Variants in SETD1A observed in about 807,000 individuals in gnomAD.
The protein encoded by SETD1A is histone-lysine N-methyltransferase SETD1A.
A neutral mutation model predicts 149.9 loss-of-function variants in SETD1A; 29 were observed. The observed-to-expected ratio is 0.19, with a 90% CI of 0.14 to 0.26. SETD1A has a LOEUF of 0.26. Ranked by LOEUF, SETD1A falls within the 10% of genes least tolerant of loss-of-function variation. SETD1A has a pLI of 1.00. For missense variants in SETD1A, 2,109 were observed against 2,353.1 expected, an observed-to-expected ratio of 0.90 and a Z score of 2.15; for synonymous variants, 1,141 against 968.5, an observed-to-expected ratio of 1.18 and a Z score of -3.31.
intron 12 of SETD1A, 34 bp from the exon 13 acceptor site, chr16:30,971,344 C>T (rs775388474): frequency 1.9e-6 from 3 of 1,548,902 alleles, no homozygotes; most frequent in East Asian, 4.5e-5. Flanking sequence ...TGAGGTCTGC[C>T]CACCTCTCCT....
chr16:30,971,301 A>T, intron 12 of SETD1A, 77 bp from the exon 13 acceptor site: 1 of 1,418,986 alleles, frequency 7.0e-7, no homozygotes, highest in South Asian at 1.4e-5. Context: ...CATCCACAGC[A>T]GGGAGTGAGT....
rs533473919 is a variant in SETD1A, at chr16:30,983,876, C to T, written c.4977C>T (p.Thr1659=). 2 of 1,610,910 alleles carry T rather than the reference C, an allele frequency of 1.2e-6. No individual in the cohort carries two copies. Among genetic ancestry groups the T allele is most frequent in the East Asian group, 2.2e-5 (1 of 44,768 alleles). Reference sequence around the variant, plus strand: ...CTAACTGCTACGCCAAGGTCATCACCATCGAGTCCCAGAAGAAGATCGTGA... The same window carrying T: ...CTAACTGCTACGCCAAGGTCATCACTATCGAGTCCCAGAAGAAGATCGTGA... ...CTPNCYAKVI[T]IESQKKIVIY... is the part of the protein sequence containing the mutation. Residue 1659 remains threonine (T), a synonymous_variant, in exon 19 of 19, where the codon ACC becomes ACT. Transcript: ENST00000262519. The surrounding 1 kb of genome is among the most constrained non-coding windows in gnomAD (Gnocchi z 6.8).
chr16:30,960,295 C>T (rs2056031893), intron 3 of SETD1A, among the ~76,000 whole-genome samples: 1 of 152,196 alleles, frequency 6.6e-6, no homozygotes, highest in Non-Finnish European at 1.5e-5. Flanking sequence ...CTGGCCAAGC[C>T]TTATCCTCCG....
chr16:30,981,290 G>A (rs527877928), intron 17 of SETD1A, 110 bp downstream of exon 17: 2 of 1,420,892 alleles, frequency 1.4e-6, no homozygotes, highest in Admixed American at 3.9e-5. Flanking sequence ...CCTAACCCCG[G>A]TACCTAGCCA....
Position 30,969,341 on chromosome 16 carries a change from G to T in SETD1A, c.2807G>T (p.Arg936Leu). 6.2e-7 allele frequency: 1 copy of T among 1,614,172 alleles called. No homozygotes were observed. Among genetic ancestry groups the T allele is most frequent in the Non-Finnish European group, 8.5e-7 (1 of 1,180,012 alleles). The change falls in exon 11 of 19, where the codon CGT becomes CTT. Residue 936 changes from arginine to leucine, a missense_variant. This residue lies in a region of SETD1A where 832 missense variants were observed against 815.6 expected (regional missense o/e 1.02). Coordinates refer to ENST00000262519, the MANE Select transcript of SETD1A (RefSeq NM_014712.3). ...GAGAAGGAGGCTGGAGAGCCAGGAC[G>T]TCCGGGGACCAAGCCCCCGAAGCGG... The part of the protein sequence containing the change: ...EQEKEAGEPG[R>L]PGTKPPKRDE...
chr16:30,965,539 A>G, intron 7 of SETD1A, 62 bp from the exon 8 acceptor site: 1 of 1,593,320 alleles, frequency 6.3e-7, no homozygotes, highest in Non-Finnish European at 8.6e-7. Flanking sequence ...GAAGGGAACC[A>G]GATGAGAAAG....
intron 13 of SETD1A, among the ~76,000 whole-genome samples, chr16:30,977,894 G>A (rs1229921855): frequency 6.6e-6 from 1 of 152,222 alleles, no homozygotes; most frequent in Non-Finnish European, 1.5e-5. Context: ...TTCAGAGCAT[G>A]AGCTCAACCC....
In SETD1A at chr16:30,980,239, C is replaced by T. The variant is rs767774645; in HGVS notation, c.4408+45C>T. The T allele has an allele frequency of 1.2e-5, 18 of 1,549,042 alleles. No homozygotes were observed. The highest frequency in any genetic ancestry group is 2.3e-5 in the East Asian group (1 of 43,822). ...CCTTCCCCGGGCTTGGGTCCTCCCC[C>T]GACCCCTCCAGGCACCTGCATCTGT... is the stretch of plus-strand genomic sequence containing the variant. On this transcript the variant is annotated intron_variant, in intron 14 of 18. Coordinates refer to ENST00000262519, the MANE Select transcript of SETD1A (RefSeq NM_014712.3). The surrounding 1 kb of genome is among the most constrained non-coding windows in gnomAD (Gnocchi z 7.7).
At position 30,958,827 on chromosome 16, in the gene SETD1A, G is replaced by A. The variant is rs1020067417; in HGVS notation, c.96G>A (p.Leu32=). 3.1e-6 allele frequency: 5 copies of A among 1,614,088 alleles called. No homozygotes were observed. Among genetic ancestry groups the A allele is most frequent in the Non-Finnish European group, 4.2e-6 (5 of 1,180,020 alleles). ...TGGATCCTGCCTTGGACCCTGCCCT[G>A]CGCAGGCCTTCTCAGAAGGTGTACC... ...LIVDPALDPA[L]RRPSQKVYRY... is the part of the protein sequence containing the mutation. The change falls in exon 2 of 19, where the codon CTG becomes CTA. Residue 32 remains leucine, a synonymous_variant. Coordinates refer to ENST00000262519, the MANE Select transcript of SETD1A (RefSeq NM_014712.3).
At position 30,966,377 on chromosome 16, in the gene SETD1A, G is replaced by A; in HGVS notation, c.2496G>A (p.Glu832=). 1.9e-6 allele frequency: 3 copies of A among 1,607,730 alleles called. No homozygotes were observed. The highest frequency in any genetic ancestry group is 2.6e-6 in the Non-Finnish European group (3 of 1,176,194). ...ACCAGTGGTGGGAGAGCAAGGAGGA[G>A]AAGGCCAAGGTGAGGCCAGCGCCTG... ...AFDQWWESKE[E]KAKPFQNAAK... is the part of the protein sequence containing the mutation. The change falls in exon 8 of 19, where the codon GAG becomes GAA. Residue 832 remains glutamate (E), a synonymous_variant. Transcript: ENST00000262519.
Position 30,980,733 on chromosome 16 carries a change from TCA to T in SETD1A, c.4582-3_4582-2del. ...GCTCACCTCCTCCCTGCCGTGTGTC[TCA>T]CAGGGGACGAACCGCGTGCTGTCCG... On this transcript the variant is annotated splice_polypyrimidine_tract_variant and splice_region_variant and intron_variant, in intron 15 of 18. Coordinates refer to ENST00000262519, the MANE Select transcript of SETD1A (RefSeq NM_014712.3). This position sits in a 1 kb window ranked among gnomAD's most constrained non-coding sequence, Gnocchi z 7.7. 2 of 1,612,316 alleles carry T rather than the reference TCA, an allele frequency of 1.2e-6. No homozygotes were observed. Among genetic ancestry groups the T allele is most frequent in the Non-Finnish European group, 1.7e-6 (2 of 1,179,648 alleles).
intron 17 of SETD1A, among the ~76,000 whole-genome samples, chr16:30,982,499 T>A (rs1230206756): frequency 1.5e-4 from 22 of 142,776 alleles, no homozygotes; most frequent in African/African-American, 4.5e-4. Context: ...AGACTCCGTC[T>A]CAAAAAAAAA....
chr16:30,969,834 C>G (rs2056202304), intron 12 of SETD1A, 145 bp downstream of exon 12: 1 of 668,492 alleles, frequency 1.5e-6, no homozygotes, highest in East Asian at 2.7e-5. Flanking sequence ...GGGCCACATT[C>G]TTAGGAACCC....
chr16:30,980,300 C>T lies in SETD1A; in HGVS notation c.4408+106C>T. 6.9e-7 allele frequency: 1 copy of T among 1,446,768 alleles called. No individual in the cohort carries two copies. The highest frequency in any genetic ancestry group is 2.4e-5 in the East Asian group (1 of 41,288). The allele number at this position is 1,446,768 out of a possible 1,614,324, so 89.6% of individuals were successfully genotyped here. On this transcript the variant is annotated intron_variant, in intron 14 of 18. Transcript: ENST00000262519. This position sits in a 1 kb window ranked among gnomAD's most constrained non-coding sequence, Gnocchi z 7.7. The stretch of plus-strand genomic sequence containing the variant: ...GTCTGCCTCCCCTCTGGCTCCAAGC[C>T]ATCTTTTCTCTCCTCCTGGTGCCTC...
chr16:30,979,982 G>C lies in SETD1A; in HGVS notation c.4196G>C (p.Arg1399Pro). Residue 1399 changes from arginine to proline, a missense_variant, in exon 14 of 19, where the codon CGG becomes CCG. This residue lies in a region of SETD1A where 832 missense variants were observed against 815.6 expected (regional missense o/e 1.02). Transcript: ENST00000262519. The part of the protein sequence containing the change: ...LRRRSLRSHA[R>P]RRRPPPPPPP... The stretch of plus-strand genomic sequence containing the variant: ...AGGCGCAGCCTCCGCTCCCACGCCC[G>C]GCGCCGCCGCCCTCCGCCCCCACCC... The C allele has an allele frequency of 3.3e-6, 5 of 1,510,558 alleles. No individual in the cohort carries two copies. The highest frequency in any genetic ancestry group is 2.8e-5 in the African/African-American group (2 of 70,208). 93.6% of individuals were successfully genotyped at this position (1,510,558 alleles called of 1,614,324 possible). A position where few individuals can be genotyped will look rare whatever the true frequency, so the allele number is the denominator to read the frequency against.
In SETD1A at chr16:30,966,256, G is replaced by C. The variant is rs2056145968; in HGVS notation, c.2375G>C (p.Gly792Ala). The change falls in exon 8 of 19, where the codon GGC (glycine) becomes GCC (alanine). Residue 792 changes from glycine to alanine, a missense_variant. Coordinates refer to ENST00000262519, the MANE Select transcript of SETD1A (RefSeq NM_014712.3). ...GKTLPTAGTV[G>A]RVLAMLVQEM... ...ACCCTCCCGACAGCAGGCACCGTGG[G>C]CCGTGTGCTCGCCATGCTGGTCCAG... 6.2e-7 allele frequency: 1 copy of C among 1,613,762 alleles called. No homozygotes were observed. The highest frequency in any genetic ancestry group is 1.1e-5 in the South Asian group (1 of 91,090).
chr16:30,968,478 A>T (rs1417828023), intron 10 of SETD1A, among the ~76,000 whole-genome samples: 1 of 151,748 alleles, frequency 6.6e-6, no homozygotes, highest in African/African-American at 2.4e-5. Context: ...ATACACACAC[A>T]CATATATATA....
chr16:30,961,229 G>C lies in SETD1A; in HGVS notation c.247-38G>C. 6.2e-7 allele frequency: 1 copy of C among 1,607,746 alleles called. No homozygotes were observed. The highest frequency in any genetic ancestry group is 8.5e-7 in the Non-Finnish European group (1 of 1,175,066). On this transcript the variant is annotated intron_variant, in intron 3 of 18. Transcript: ENST00000262519. The surrounding 1 kb of genome is among the most constrained non-coding windows in gnomAD (Gnocchi z 4.0). Reference sequence around the variant, plus strand: ...CCGAAGGACAAAGGAACAGTGGTCAGTGTTGAGACCCCATACCAACTCCTG... The same window carrying C: ...CCGAAGGACAAAGGAACAGTGGTCACTGTTGAGACCCCATACCAACTCCTG...
chr16:30,966,402 G>A lies in SETD1A; in HGVS notation c.2505+16G>A. On this transcript the variant is annotated intron_variant, in intron 8 of 18. Transcript: ENST00000262519. ...GAAGGCCAAGGTGAGGCCAGCGCCT[G>A]GGACCGGGGAGCCCTGGGCTTTGCA... 6.3e-7 allele frequency: 1 copy of A among 1,588,096 alleles called. No homozygotes were observed. Among genetic ancestry groups the A allele is most frequent in the Non-Finnish European group, 8.6e-7 (1 of 1,165,876 alleles).
Sources: gnomAD v4.1 joint callset for allele counts (sites outside exome capture counted in the v4.1 genomes callset) on GRCh38, gnomAD v4.1.1 for gene constraint, gnomAD v4.1.1 regional missense constraint, Gnocchi (gnomAD v3.1) non-coding constraint, MANE v1.5 for transcripts, NCBI Gene and HGNC (gene_info 2026-07-23, HGNC 2026-07-21) for gene names.